GRID2: variants seen among roughly 807,000 people sequenced by gnomAD.
The protein encoded by GRID2 is glutamate receptor ionotropic, delta-2.
Under a neutral mutation model 114.8 loss-of-function variants are expected in GRID2, and 33 were observed. The ratio of observed to expected loss-of-function variants is 0.29; its 90% CI spans 0.22 to 0.38. GRID2 has a LOEUF of 0.38. Ranked by LOEUF, GRID2 falls within the 10% of genes least tolerant of loss-of-function variation. The probability of loss-of-function intolerance (pLI) is 1.00; values close to 1 mark genes in which losing one functional copy is unlikely to be tolerated. For synonymous variants in GRID2, 505 were observed against 449.9 expected (o/e 1.12, Z -1.55); for missense variants, 1,184 against 1,257.7 (o/e 0.94, Z 0.89).
rs976078239 is a variant in GRID2 at position 93,258,007 on chromosome 4, C to T, written c.1245+19517C>T. On this transcript the variant is annotated intron_variant, in intron 8 of 15. Coordinates refer to ENST00000282020, the MANE Select transcript of GRID2 (RefSeq NM_001510.4). ...ATATATATATATATATATACACACACACACACACACACACACACACAATAC... is the reference window on the plus strand; with the variant it reads ...ATATATATATATATATATACACACATACACACACACACACACACACAATAC... Among the ~76,000 whole-genome samples, 58 of 144,680 alleles carry T rather than the reference C, an allele frequency of 4.0e-4. 1 individual carries two copies. The highest frequency in any genetic ancestry group is 1.6e-3 in the African/African-American group (58 of 36,988). The allele number at this position is 144,680 out of a possible 152,430, so 94.9% of individuals were successfully genotyped here. A position where few individuals can be genotyped will look rare whatever the true frequency, so the allele number is the denominator to read the frequency against.
At chr4:93,222,456 A>AAT (rs916734186) in intron 6 of GRID2, among the ~76,000 whole-genome samples, 539 of 148,290 alleles carry the variant, frequency 3.6e-3, no homozygotes, top group East Asian at 6.5e-3. Flanking sequence ...CTTTTTTTTA[A>AAT]ATATATATAT....
chr4:92,583,190 G>T (rs1162909139), intron 1 of GRID2, among the ~76,000 whole-genome samples: 1 of 151,872 alleles, frequency 6.6e-6, no homozygotes, highest in Non-Finnish European at 1.5e-5. Context: ...TTCCCTCAAA[G>T]GGTTTTTATC....
chr4:92,711,474 T>G (rs1430229401), intron 2 of GRID2, among the ~76,000 whole-genome samples: 1 of 152,238 alleles, frequency 6.6e-6, no homozygotes, highest in African/African-American at 2.4e-5. Context: ...AGCTACTGTC[T>G]GCTTCTAAAG....
At chr4:93,331,372 A>T (rs1172390545) in intron 8 of GRID2, among the ~76,000 whole-genome samples, 1 of 151,792 alleles carries the variant, frequency 6.6e-6, no homozygotes. Flanking sequence ...TTGCTCAATT[A>T]TTACATTCTT....
intron 1 of GRID2, among the ~76,000 whole-genome samples, chr4:92,499,136 C>T (rs1723545809): frequency 6.6e-6 from 1 of 151,810 alleles, no homozygotes; most frequent in Non-Finnish European, 1.5e-5. Flanking sequence ...GTTTTCTTTA[C>T]ATTTTTCCTT....
At chr4:93,328,707 T>TGGTTGGA (rs371468272) in intron 8 of GRID2, among the ~76,000 whole-genome samples, 2 of 149,706 alleles carry the variant, frequency 1.3e-5, no homozygotes, top group East Asian at 1.9e-4. Context: ...GGATGGATGG[T>TGGTTGGA]TGGATGGATG....
chr4:93,376,458 C>T (rs1316567083), intron 8 of GRID2, among the ~76,000 whole-genome samples: 1 of 151,830 alleles, frequency 6.6e-6, no homozygotes, highest in Admixed American at 6.6e-5. Context: ...AAAAAATGAC[C>T]CATTTTGTGA....
chr4:92,587,650 T>G (rs1467299527), intron 1 of GRID2, among the ~76,000 whole-genome samples: 1 of 152,196 alleles, frequency 6.6e-6, no homozygotes, highest in Non-Finnish European at 1.5e-5. Flanking sequence ...AGATGAACTG[T>G]TTCTTCTGTG....
At chr4:92,900,333 G>A (rs972303366) in intron 2 of GRID2, among the ~76,000 whole-genome samples, 3 of 152,028 alleles carry the variant, frequency 2.0e-5, no homozygotes, top group Non-Finnish European at 4.4e-5. Context: ...GTGTCACAGC[G>A]GAATCTAGGC....
In GRID2 at chr4:92,395,430, C is replaced by T. The variant is rs753546228; in HGVS notation, c.88+90686C>T. ...TCAAACATATTGACTGTTGATCTTG[C>T]GAAACCCTTCATTACTTAATATCTA... is the stretch of plus-strand genomic sequence containing the variant. On this transcript the variant is annotated intron_variant, in intron 1 of 15. Transcript: ENST00000282020. Among the ~76,000 whole-genome samples, 23 of 151,664 alleles carry T rather than the reference C, an allele frequency of 1.5e-4. No individual in the cohort carries two copies. The South Asian group carries it at 1.9e-3, about 12-fold the overall frequency.
intron 1 of GRID2, among the ~76,000 whole-genome samples, chr4:92,376,831 T>G (rs1729377969): frequency 6.6e-6 from 1 of 152,096 alleles, no homozygotes; most frequent in Admixed American, 6.6e-5. Context: ...GAGGTCTGAA[T>G]TAGCCCCTTT....
chr4:93,290,900 T>C, intron 8 of GRID2, among the ~76,000 whole-genome samples: 1 of 115,646 alleles, frequency 8.6e-6, no homozygotes, highest in African/African-American at 3.5e-5. Flanking sequence ...TTTTTTGAGA[T>C]GGAGTCTTGC....
At chr4:93,514,987 T>C (rs1403155679) in intron 12 of GRID2, among the ~76,000 whole-genome samples, 1 of 152,192 alleles carries the variant, frequency 6.6e-6, no homozygotes, top group African/African-American at 2.4e-5. Context: ...ACGTTTTCAC[T>C]TTTCCTTCAA....
chr4:92,444,243 GTGTGAGCGACACATCTGCTTATTTCACC>G (rs1271551522), intron 1 of GRID2, among the ~76,000 whole-genome samples: 1 of 152,032 alleles, frequency 6.6e-6, no homozygotes, highest in Non-Finnish European at 1.5e-5. Context: ...AACAGGCTTT[GTGTGAGCGACACATCTGCTTATTTCACC>G]TGGGTGCAGG....
At chr4:93,155,862 T>C (rs190695799) in intron 4 of GRID2, among the ~76,000 whole-genome samples, 3 of 151,418 alleles carry the variant, frequency 2.0e-5, no homozygotes, top group African/African-American at 7.3e-5. Context: ...GGTTAATGGA[T>C]ATAAAAATAA....
At chr4:92,430,481 G>A (rs762480452) in intron 1 of GRID2, among the ~76,000 whole-genome samples, 4 of 152,042 alleles carry the variant, frequency 2.6e-5, no homozygotes, top group African/African-American at 9.7e-5. Flanking sequence ...CTGTTTTTAT[G>A]CCAGTACCAT....
At chr4:93,070,000 A>C (rs1466200956) in intron 2 of GRID2, among the ~76,000 whole-genome samples, 1 of 152,106 alleles carries the variant, frequency 6.6e-6, no homozygotes, top group East Asian at 1.9e-4. Context: ...CAATGGTTAG[A>C]AAGATTTTTC....
chr4:93,558,605 C>T (rs1416683295), intron 13 of GRID2, among the ~76,000 whole-genome samples: 1 of 152,106 alleles, frequency 6.6e-6, no homozygotes, highest in African/African-American at 2.4e-5. Flanking sequence ...GGCCTACCAA[C>T]CGAAAAATGC....
chr4:92,455,655 T>C (rs1244307224), intron 1 of GRID2, among the ~76,000 whole-genome samples: 1 of 151,972 alleles, frequency 6.6e-6, no homozygotes, highest in Non-Finnish European at 1.5e-5. Context: ...AGGGAGACCA[T>C]TGTGTCTAGG....
Sources: allele counts gnomAD v4.1 joint callset (sites outside exome capture counted in the v4.1 genomes callset), GRCh38; gene constraint gnomAD v4.1.1; transcripts MANE v1.5; gene names NCBI Gene and HGNC (gene_info 2026-07-23, HGNC 2026-07-21).